RFPL2: variants seen among roughly 807,000 people sequenced by gnomAD.
RFPL2 encodes ret finger protein-like 2.
Under a neutral mutation model 17.8 loss-of-function variants are expected in RFPL2, and 13 were observed. The ratio of observed to expected loss-of-function variants is 0.73; its 90% CI spans 0.47 to 1.16. The LOEUF (loss-of-function observed/expected upper bound fraction) is 1.16. RFPL2 is among the 50% of genes most tolerant of loss of function. RFPL2 has a pLI of 0.00. For synonymous variants in RFPL2, 189 were observed against 180.9 expected, an observed-to-expected ratio of 1.04 and a Z score of -0.36; for missense variants, 431 against 479.3, an observed-to-expected ratio of 0.90 and a Z score of 0.94.
At chr22:32,192,235 G>A (rs1849527907) in intron 4 of RFPL2, among the ~76,000 whole-genome samples, 2 of 152,186 alleles carry the variant, frequency 1.3e-5, no homozygotes, top group Admixed American at 1.3e-4. Flanking sequence ...CCATTTATAG[G>A]TGTAATTCTG....
At chr22:32,204,273 G>T (rs1924307327) in intron 1 of RFPL2, among the ~76,000 whole-genome samples, 1 of 151,686 alleles carries the variant, frequency 6.6e-6, no homozygotes, top group African/African-American at 2.4e-5. Flanking sequence ...CATGCGCACT[G>T]ATGTCCCAGA....
At position 32,191,361 on chromosome 22, in the gene RFPL2, AGG is replaced by A. The variant is rs1603199870; in HGVS notation, c.557-11_557-10del. 2.5e-6 allele frequency: 4 copies of A among 1,600,258 alleles called. No homozygotes were observed. In the Admixed American group the frequency reaches 5.1e-5, roughly 20 times the overall value. ...ATCCAAGGTCATATCCACTGTGAAA[AGG>A]AAAAAAAGTTGCTCAGCAAATGGAC... is the stretch of plus-strand genomic sequence containing the variant. On this transcript the variant is annotated splice_polypyrimidine_tract_variant and intron_variant, in intron 4 of 4. Transcript: ENST00000652607.
intron 1 of RFPL2, chr22:32,202,884 C>T (rs1490576498): frequency 2.9e-6 from 3 of 1,017,316 alleles, no homozygotes; most frequent in East Asian, 9.7e-5. Flanking sequence ...GTAGCCTCCT[C>T]GTGTCCACTA....
rs3986036 is a variant in RFPL2 at position 32,194,418 on chromosome 22, C to G, written c.192G>C (p.Ser64=). The change falls in exon 3 of 5, where the codon TCG becomes TCC. Residue 64 remains serine (S), a synonymous_variant. Coordinates refer to ENST00000652607, the MANE Select transcript of RFPL2 (RefSeq NM_001394555.1). ...GGGNLTNKRP[S]CAPSPQDLSA... is the part of the protein sequence containing the mutation. ...TCAGGTCTTGTGGGGAAGGGGCACA[C>G]GAGGGCCTTTTATTGGTGAGATTCC... 5.6e-6 allele frequency: 9 copies of G among 1,611,206 alleles called. No homozygotes were observed. The highest frequency in any genetic ancestry group is 5.9e-6 in the Non-Finnish European group (7 of 1,179,312).
At chr22:32,193,862 CAAAAA>C (rs136481) in intron 3 of RFPL2, among the ~76,000 whole-genome samples, 44 of 71,938 alleles carry the variant, frequency 6.1e-4, no homozygotes, top group African/African-American at 2.2e-3. Flanking sequence ...GACACCATCT[CAAAAA>C]AAAAAAAAAA....
At chr22:32,200,020 C>T (rs890367076) in intron 2 of RFPL2, 3 of 467,336 alleles carry the variant, frequency 6.4e-6, no homozygotes, top group East Asian at 5.6e-5. Context: ...GGCTTCTACC[C>T]GGGAGCTGTG....
chr22:32,190,958 A>C lies in RFPL2; in HGVS notation c.951T>G (p.Val317=), dbSNP rs1437788121. ...AACCACTTTCAGCATCAAAAAAGGA[A>C]ACGTTCTGCATGCCCATATCCAGAA... is the stretch of plus-strand genomic sequence containing the variant. ...GIFLDMGMQN[V]SFFDAESGSH... The change falls in exon 5 of 5, where the codon GTT becomes GTG. Residue 317 remains valine, a synonymous_variant. Coordinates refer to ENST00000652607, the MANE Select transcript of RFPL2 (RefSeq NM_001394555.1). 1 of 1,605,032 alleles carries C rather than the reference A, an allele frequency of 6.2e-7. No individual in the cohort carries two copies. The highest frequency in any genetic ancestry group is 1.1e-5 in the South Asian group (1 of 90,124).
intron 2 of RFPL2, among the ~76,000 whole-genome samples, chr22:32,195,407 A>G (rs2413088): frequency 3.3e-5 from 5 of 152,180 alleles, no homozygotes. Context: ...ACATGCATGT[A>G]TAATAATCAA....
At chr22:32,197,477 A>G (rs1240291968) in intron 2 of RFPL2, among the ~76,000 whole-genome samples, 1 of 151,546 alleles carries the variant, frequency 6.6e-6, no homozygotes, top group Non-Finnish European at 1.5e-5. Flanking sequence ...GGTTTGTTAC[A>G]TACGTATACA....
chr22:32,193,033 G>T lies in RFPL2; in HGVS notation c.425C>A (p.Ser142Tyr). 1 of 1,614,052 alleles carries T rather than the reference G, an allele frequency of 6.2e-7. No individual in the cohort carries two copies. Among genetic ancestry groups the T allele is most frequent in the Non-Finnish European group, 8.5e-7 (1 of 1,179,972 alleles). ...TTTGTTCTTCCGAGAGACCATGGAA[G>T]AGCAACAGCAAAGTAGATCCTCCCC... ...PHGEDLLCCC[S>Y]SMVSRKNKIR... The change falls in exon 4 of 5, where the codon TCT becomes TAT. Residue 142 changes from serine to tyrosine, a missense_variant. Transcript: ENST00000652607.
chr22:32,191,598 T>C (rs781192876), intron 4 of RFPL2, among the ~76,000 whole-genome samples: 4 of 152,250 alleles, frequency 2.6e-5, no homozygotes, highest in Non-Finnish European at 5.9e-5. Context: ...GTTTGCTTCA[T>C]TGGCCTTTTC....
chr22:32,195,638 A>G (rs1490651669), intron 2 of RFPL2, among the ~76,000 whole-genome samples: 1 of 143,404 alleles, frequency 7.0e-6, no homozygotes, highest in African/African-American at 2.7e-5. Flanking sequence ...TTTTTTTTTT[A>G]GTAGAGACGG....
intron 1 of RFPL2, chr22:32,203,601 T>G (rs959781233): frequency 2.0e-5 from 3 of 148,974 alleles, no homozygotes; most frequent in African/African-American, 7.5e-5. Flanking sequence ...CCACTGGCAG[T>G]CCGCCCCCGA....
At chr22:32,198,596 C>G (rs1477166935) in intron 2 of RFPL2, among the ~76,000 whole-genome samples, 1 of 151,924 alleles carries the variant, frequency 6.6e-6, no homozygotes, top group Non-Finnish European at 1.5e-5. Flanking sequence ...CTCTTCTTCC[C>G]TCTCCTTCCC....
chr22:32,190,493 G>A lies in RFPL2; in HGVS notation c.*279C>T, dbSNP rs1603197322. ...TTCTATAATACATTAATTTGAACTTGCAGAAATAAAAAAGTAAAGCATTTG... is the reference window on the plus strand; with the variant it reads ...TTCTATAATACATTAATTTGAACTTACAGAAATAAAAAAGTAAAGCATTTG... On this transcript the variant is annotated 3_prime_UTR_variant, in exon 5 of 5. Transcript: ENST00000652607. 2 of 301,786 alleles carry A rather than the reference G, an allele frequency of 6.6e-6. No individual in the cohort carries two copies. Among genetic ancestry groups the A allele is most frequent in the East Asian group, 1.1e-4 (2 of 18,834 alleles). 18.7% of individuals were successfully genotyped at this position (301,786 alleles called of 1,614,324 possible).
chr22:32,196,782 A>G (rs1427761988), intron 2 of RFPL2, among the ~76,000 whole-genome samples: 1 of 152,256 alleles, frequency 6.6e-6, no homozygotes, highest in South Asian at 2.1e-4. Context: ...ATGAGACAGC[A>G]GCATAGTGCA....
Position 32,201,004 on chromosome 22 carries a change from C to G in RFPL2, c.119+1329G>C, listed in dbSNP as rs1386214284. On this transcript the variant is annotated intron_variant, in intron 2 of 4. Coordinates refer to ENST00000652607, the MANE Select transcript of RFPL2 (RefSeq NM_001394555.1). ...GATAGTATCTGAGCTCCGCAGGAAA[C>G]AGTGCAAGGAGGGTAATAGGTGTTC... 3.3e-5 allele frequency among the ~76,000 whole-genome samples: 5 copies of G among 150,526 alleles called. No individual in the cohort carries two copies. In the East Asian group the frequency reaches 9.8e-4, roughly 29 times the overall value.
intron 2 of RFPL2, among the ~76,000 whole-genome samples, chr22:32,196,496 G>A (rs760603999): frequency 6.6e-5 from 10 of 152,202 alleles, no homozygotes; most frequent in African/African-American, 1.2e-4. Flanking sequence ...TTAACTTTAC[G>A]TGATTAGAAT....
chr22:32,199,501 T>A (rs1378830493), intron 2 of RFPL2, among the ~76,000 whole-genome samples: 2 of 152,018 alleles, frequency 1.3e-5, no homozygotes, highest in East Asian at 3.9e-4. Flanking sequence ...AACAGAGCTA[T>A]TAGGTGAGAG....
Sources: allele counts gnomAD v4.1 joint callset (sites outside exome capture counted in the v4.1 genomes callset), GRCh38; gene constraint gnomAD v4.1.1; transcripts MANE v1.5; gene names NCBI Gene and HGNC (gene_info 2026-07-23, HGNC 2026-07-21).